The following ARFGAP3 variants were observed in gnomAD, a reference collection of about 807,000 sequenced individuals.
ARFGAP3 encodes ARF GTPase activating protein 3.
In ARFGAP3, 72 loss-of-function variants were observed where a neutral mutation model predicts 75.0. The ratio of observed to expected loss-of-function variants is 0.96; its 90% CI spans 0.79 to 1.17. The LOEUF (loss-of-function observed/expected upper bound fraction) is 1.17. Ranked by LOEUF, ARFGAP3 falls within the 50% of genes most tolerant of loss-of-function variation. The pLI, the probability that ARFGAP3 is intolerant of heterozygous loss-of-function variation, is 0.00. For missense variants in ARFGAP3, 620 were observed against 626.6 expected (o/e 0.99, Z 0.11); for synonymous variants, 221 against 217.9 (o/e 1.01, Z -0.13).
At chr22:42,839,828 G>C (rs1221060418) in intron 3 of ARFGAP3, among the ~76,000 whole-genome samples, 1 of 151,946 alleles carries the variant, frequency 6.6e-6, no homozygotes, top group Non-Finnish European at 1.5e-5. Flanking sequence ...ATTACTCTCT[G>C]ACTGCCCCTG....
At chr22:42,817,115 C>T in intron 11 of ARFGAP3, 27 bp downstream of exon 11, 2 of 1,494,460 alleles carry the variant, frequency 1.3e-6, no homozygotes, top group Non-Finnish European at 1.9e-6. Flanking sequence ...CAAAATGACA[C>T]TTCAACGATG....
chr22:42,829,822 T>C (rs1451037540), intron 6 of ARFGAP3, among the ~76,000 whole-genome samples: 1 of 152,250 alleles, frequency 6.6e-6, no homozygotes, highest in Non-Finnish European at 1.5e-5. Flanking sequence ...TCTTCTAGGA[T>C]AATCATATTT....
chr22:42,838,452 T>C (rs1328686763), intron 3 of ARFGAP3, among the ~76,000 whole-genome samples: 1 of 151,740 alleles, frequency 6.6e-6, no homozygotes, highest in African/African-American at 2.4e-5. Flanking sequence ...CAGGTTCCAC[T>C]ATGCCTTGCT....
chr22:42,833,166 C>G (rs867267707), intron 5 of ARFGAP3, among the ~76,000 whole-genome samples: 2 of 152,212 alleles, frequency 1.3e-5, no homozygotes, highest in African/African-American at 4.8e-5. Flanking sequence ...ATTTAGAGCA[C>G]TTACTGAAGG....
At chr22:42,856,820 C>T (rs1259775686) in intron 1 of ARFGAP3, among the ~76,000 whole-genome samples, 1 of 151,674 alleles carries the variant, frequency 6.6e-6, no homozygotes, top group African/African-American at 2.4e-5. Flanking sequence ...CGCTCAGAGC[C>T]GCCGGTGCTC....
Position 42,817,142 on chromosome 22 carries a change from C to G in ARFGAP3, c.1064G>C (p.Ser355Thr), listed in dbSNP as rs138700312. 2 of 1,602,002 alleles carry G rather than the reference C, an allele frequency of 1.2e-6. No individual in the cohort carries two copies. Among genetic ancestry groups the G allele is most frequent in the African/African-American group, 2.7e-5 (2 of 74,582 alleles). Residue 355 changes from serine (S) to threonine (T), a missense_variant and splice_region_variant, in exon 11 of 16, where the codon AGT becomes ACT. Physicochemically the swap from Ser to Thr is moderately conservative, Grantham distance 58. Transcript: ENST00000263245. ...SDDSYFTSSS[S>T]YFDEPVELRS... The stretch of plus-strand genomic sequence containing the variant: ...TCAACGATGATTTGTAATACAGTAC[C>G]TTGAGCTGGAAGTAAAATATGAATC...
At position 42,808,889 on chromosome 22, in the gene ARFGAP3, G is replaced by C. The variant is rs1925244746; in HGVS notation, c.1198C>G (p.Pro400Ala). ...TAATCTGGCTTGCGGCGAGCAGTAG[G>C]TCTGCAATTAAAAACAGCCAAATTA... ...VLKTTGYSDR[P>A]TARRKPDYEP... Residue 400 changes from proline (P) to alanine (A), a missense_variant and splice_region_variant, in exon 13 of 16, where the codon CCT becomes GCT. Pro to Ala is a conservative substitution (Grantham distance 27, BLOSUM62 -1). Transcript: ENST00000263245. 2 of 1,603,756 alleles carry C rather than the reference G, an allele frequency of 1.2e-6. No homozygotes were observed. The highest frequency in any genetic ancestry group is 2.7e-5 in the African/African-American group (2 of 74,740).
chr22:42,851,721 A>G (rs1039062767), intron 1 of ARFGAP3, among the ~76,000 whole-genome samples: 1 of 152,258 alleles, frequency 6.6e-6, no homozygotes, highest in African/African-American at 2.4e-5. Context: ...ATCCCAAACC[A>G]AAGTCAAGAT....
At position 42,856,855 on chromosome 22, in the gene ARFGAP3, G is replaced by A. The variant is rs542002279; in HGVS notation, c.69+259C>T. ...CGCCCCCCGCCCCAAGAGCTCGCCG[G>A]GGGGTGTGCCCGCGCCGCCGCCCCC... is the stretch of plus-strand genomic sequence containing the variant. On this transcript the variant is annotated intron_variant, in intron 1 of 15. Transcript: ENST00000263245. Among the ~76,000 whole-genome samples the A allele has an allele frequency of 3.4e-3, 520 of 151,530 alleles. 2 individuals carry two copies. The highest frequency in any genetic ancestry group is 5.2e-3 in the Non-Finnish European group (352 of 67,732).
At chr22:42,805,090 AC>A (rs1272693257) in intron 14 of ARFGAP3, among the ~76,000 whole-genome samples, 1 of 151,854 alleles carries the variant, frequency 6.6e-6, no homozygotes, top group African/African-American at 2.4e-5. Flanking sequence ...ACACAGTTAG[AC>A]CCCGGCGGGG....
intron 15 of ARFGAP3, among the ~76,000 whole-genome samples, chr22:42,798,825 C>A (rs970485646): frequency 1.6e-4 from 24 of 152,146 alleles, no homozygotes; most frequent in Admixed American, 1.5e-3. Context: ...CATGACAATT[C>A]CTCTAACAAT....
intron 1 of ARFGAP3, among the ~76,000 whole-genome samples, chr22:42,854,454 AT>A (rs1927412033): frequency 6.6e-6 from 1 of 152,074 alleles, no homozygotes; most frequent in Non-Finnish European, 1.5e-5. Context: ...GTGAAACTCC[AT>A]TACTACTAAA....
chr22:42,802,405 C>T (rs1924907463), intron 14 of ARFGAP3, among the ~76,000 whole-genome samples: 1 of 151,326 alleles, frequency 6.6e-6, no homozygotes, highest in Non-Finnish European at 1.5e-5. Context: ...CCTGCCTCAG[C>T]CTCTGGAGTA....
intron 2 of ARFGAP3, among the ~76,000 whole-genome samples, chr22:42,846,222 T>G (rs1927014097): frequency 6.6e-6 from 1 of 151,988 alleles, no homozygotes; most frequent in African/African-American, 2.4e-5. Flanking sequence ...AAAGATGGAG[T>G]AGGGAAATCT....
chr22:42,812,918 C>G (rs1925429915), intron 11 of ARFGAP3, among the ~76,000 whole-genome samples: 1 of 152,180 alleles, frequency 6.6e-6, no homozygotes, highest in Non-Finnish European at 1.5e-5. Flanking sequence ...TGTACTGCAC[C>G]CAGGCTCTGC....
chr22:42,843,037 G>A (rs909445757), intron 2 of ARFGAP3, among the ~76,000 whole-genome samples: 1 of 152,046 alleles, frequency 6.6e-6, no homozygotes, highest in Non-Finnish European at 1.5e-5. Flanking sequence ...TCAGAGGTAA[G>A]GAACACACCC....
chr22:42,847,748 G>C (rs778473571), intron 1 of ARFGAP3, 116 bp from the exon 2 acceptor site: 1 of 1,253,492 alleles, frequency 8.0e-7, no homozygotes, highest in Non-Finnish European at 1.0e-6. Context: ...GTAAACTTTG[G>C]GATTGTATTA....
intron 14 of ARFGAP3, among the ~76,000 whole-genome samples, chr22:42,805,215 T>C (rs1925065191): frequency 1.3e-5 from 2 of 152,282 alleles, no homozygotes; most frequent in East Asian, 3.9e-4. Context: ...AAAAATTTAA[T>C]GGATCTTTGT....
intron 11 of ARFGAP3, 25 bp from the exon 12 acceptor site, chr22:42,810,969 G>C (rs189013994): frequency 6.2e-7 from 1 of 1,608,964 alleles, no homozygotes; most frequent in East Asian, 2.2e-5. Context: ...GTACAACAGT[G>C]ACTTTGGAGG....
Sources: gnomAD v4.1 joint callset for allele counts (sites outside exome capture counted in the v4.1 genomes callset) on GRCh38, gnomAD v4.1.1 for gene constraint, MANE v1.5 for transcripts, NCBI Gene and HGNC (gene_info 2026-07-23, HGNC 2026-07-21) for gene names.